Variants in TASP1 observed in about 807,000 individuals in gnomAD.
The protein encoded by TASP1 is taspase 1, also known as threonine aspartase 1.
TASP1 carries 16 observed loss-of-function variants against 56.6 expected under a neutral mutation model. The ratio of observed to expected loss-of-function variants is 0.28; its 90% CI spans 0.19 to 0.43. The LOEUF (loss-of-function observed/expected upper bound fraction) is 0.43, where lower values mean the gene tolerates loss of function less well. TASP1 is among the 20% of genes least tolerant of loss of function. The probability of loss-of-function intolerance (pLI) is 1.00; values close to 1 mark genes in which losing one functional copy is unlikely to be tolerated. For synonymous variants in TASP1, 179 were observed against 184.2 expected (o/e 0.97, Z 0.23); for missense variants, 393 against 511.6 (o/e 0.77, Z 2.24).
the TASP1 span, among the ~76,000 whole-genome samples, chr20:13,354,316 G>C: frequency 6.6e-6 from 1 of 152,112 alleles, no homozygotes; most frequent in Non-Finnish European, 1.5e-5. Context: ...ATTCCATGTT[G>C]AAGAACATGT....
chr20:13,349,625 C>A, the TASP1 span, among the ~76,000 whole-genome samples: 6 of 152,302 alleles, frequency 3.9e-5, no homozygotes, highest in South Asian at 4.1e-4. Flanking sequence ...TTTATCTGAT[C>A]TCTCAGTAGA....
chr20:13,529,076 AG>A (rs886925535), intron 9 of TASP1, among the ~76,000 whole-genome samples: 2 of 152,124 alleles, frequency 1.3e-5, no homozygotes, highest in Admixed American at 6.6e-5. Context: ...GTGGCACAAG[AG>A]GAAGTGCAAA....
chr20:13,279,369 C>G, the TASP1 span, among the ~76,000 whole-genome samples: 2 of 152,146 alleles, frequency 1.3e-5, no homozygotes, highest in Non-Finnish European at 2.9e-5. Flanking sequence ...TTGTTTCCAG[C>G]TATTAAGTTT....
intron 10 of TASP1, among the ~76,000 whole-genome samples, chr20:13,485,717 T>C (rs1445473137): frequency 1.3e-5 from 2 of 152,170 alleles, no homozygotes; most frequent in South Asian, 4.2e-4. Flanking sequence ...AGAAATCACG[T>C]TGGACACTTA....
chr20:13,262,588 G>T, the TASP1 span, among the ~76,000 whole-genome samples: 23 of 151,832 alleles, frequency 1.5e-4, no homozygotes, highest in African/African-American at 4.4e-4. Context: ...GGACATAAAA[G>T]AAATCGGTCC....
chr20:13,500,443 G>T (rs567997554), intron 10 of TASP1, among the ~76,000 whole-genome samples: 1 of 151,408 alleles, frequency 6.6e-6, no homozygotes, highest in South Asian at 2.1e-4. Flanking sequence ...GGAAACAAGA[G>T]AAGGAACAGG....
the TASP1 span, among the ~76,000 whole-genome samples, chr20:13,226,230 G>A: frequency 6.6e-6 from 1 of 152,102 alleles, no homozygotes; most frequent in Non-Finnish European, 1.5e-5. Flanking sequence ...ATTGCCTTCA[G>A]TAAAACAGCT....
At chr20:13,452,208 G>A (rs2043646927) in intron 11 of TASP1, among the ~76,000 whole-genome samples, 1 of 151,998 alleles carries the variant, frequency 6.6e-6, no homozygotes, top group South Asian at 2.1e-4. Flanking sequence ...AATACAAAGT[G>A]AGCATACACT....
intron 2 of TASP1, 130 bp downstream of exon 2, chr20:13,629,804 C>G: frequency 7.3e-7 from 1 of 1,362,016 alleles, no homozygotes; most frequent in African/African-American, 1.5e-5. Flanking sequence ...GTCAAACAAT[C>G]GCTTTGCTTC....
chr20:13,165,036 C>A, the TASP1 span: 1 of 564,774 alleles, frequency 1.8e-6, no homozygotes, highest in African/African-American at 1.9e-5. Context: ...CCAGCTTGGA[C>A]TGCAGAGACA....
intron 11 of TASP1, among the ~76,000 whole-genome samples, chr20:13,457,875 G>A (rs1483073902): frequency 6.6e-6 from 1 of 152,108 alleles, no homozygotes; most frequent in Non-Finnish European, 1.5e-5. Flanking sequence ...TATCCCGGAA[G>A]GGGCTAATAA....
chr20:13,120,016 T>A, the TASP1 span, among the ~76,000 whole-genome samples: 1 of 152,264 alleles, frequency 6.6e-6, no homozygotes, highest in Non-Finnish European at 1.5e-5. Context: ...TTTAATTATG[T>A]TAAGTTTCAT....
chr20:13,202,070 A>AG, the TASP1 span, among the ~76,000 whole-genome samples: 2 of 152,142 alleles, frequency 1.3e-5, no homozygotes, highest in Non-Finnish European at 2.9e-5. Context: ...AACTTTTTGA[A>AG]GGTATCCACC....
chr20:13,231,976 A>G, the TASP1 span, among the ~76,000 whole-genome samples: 1 of 152,196 alleles, frequency 6.6e-6, no homozygotes, highest in African/African-American at 2.4e-5. Flanking sequence ...AAGAATGCAG[A>G]GAAGGTGGAA....
At chr20:13,293,789 C>G in the TASP1 span, among the ~76,000 whole-genome samples, 1 of 152,056 alleles carries the variant, frequency 6.6e-6, no homozygotes, top group African/African-American at 2.4e-5. Context: ...GCCTGGCCAA[C>G]ATGGGGAAAC....
the TASP1 span, among the ~76,000 whole-genome samples, chr20:13,196,452 A>C: frequency 3.2e-4 from 49 of 152,248 alleles, 1 homozygote; most frequent in East Asian, 9.3e-3. Flanking sequence ...TGGTCCCTCT[A>C]TCTGGAGTGC....
chr20:13,441,871 T>C (rs1463667277), intron 11 of TASP1, among the ~76,000 whole-genome samples: 1 of 152,054 alleles, frequency 6.6e-6, no homozygotes, highest in Non-Finnish European at 1.5e-5. Context: ...ATGAGAGGCA[T>C]GGGAAACAGA....
In TASP1 at chr20:13,582,713, A is replaced by G. The variant is rs193118311; in HGVS notation, c.404-1732T>C. ...TCAGTAGGAAAAGGATAAACTACAT[A>G]TAAGAGGGAGAAAGAACACAAAGGT... On this transcript the variant is annotated intron_variant, in intron 5 of 13. Coordinates refer to ENST00000337743, the MANE Select transcript of TASP1 (RefSeq NM_017714.3). Among the ~76,000 whole-genome samples the G allele has an allele frequency of 2.5e-4, 38 of 152,354 alleles. No individual in the cohort carries two copies. In the East Asian group the frequency reaches 6.7e-3, roughly 27 times the overall value.
At chr20:13,250,180 A>T in the TASP1 span, among the ~76,000 whole-genome samples, 1 of 152,198 alleles carries the variant, frequency 6.6e-6, no homozygotes, top group Non-Finnish European at 1.5e-5. Context: ...TAGGGTAGCC[A>T]GGAGGCTTAG....
Sources: gnomAD v4.1 joint callset for allele counts (sites outside exome capture counted in the v4.1 genomes callset) on GRCh38, gnomAD v4.1.1 for gene constraint, MANE v1.5 for transcripts, NCBI Gene and HGNC (gene_info 2026-07-23, HGNC 2026-07-21) for gene names.